ZNF587: variants seen among roughly 807,000 people sequenced by gnomAD.
The protein encoded by ZNF587 is zinc finger protein zfp6.
A neutral mutation model predicts 7.5 loss-of-function variants in ZNF587; 8 were observed. The ratio of observed to expected loss-of-function variants is 1.06; its 90% CI spans 0.62 to 1.92. ZNF587 has a LOEUF of 1.92. Among genes scored for constraint, ZNF587 ranks in the 40% most tolerant of loss-of-function variants. The pLI is 0.00. For missense variants in ZNF587, 468 were observed against 692.8 expected (o/e 0.68, Z 3.64); for synonymous variants, 145 against 237.8 (o/e 0.61, Z 3.59).
In ZNF587 at chr19:57,860,046, A is replaced by G. The variant is rs1329742149; in HGVS notation, c.1634A>G (p.Glu545Gly). The change falls in exon 3 of 3, where the codon GAA (glutamate) becomes GGA (glycine). Residue 545 changes from glutamate (E) to glycine (G), a missense_variant. Physicochemically the swap from Glu to Gly is moderately conservative, Grantham distance 98. Transcript: ENST00000339656. ...AAACACAGGAGAATTCACACTGGAGAAAGGCCTTATGAATGCACCAAATGT... is the reference window on the plus strand; with the variant it reads ...AAACACAGGAGAATTCACACTGGAGGAAGGCCTTATGAATGCACCAAATGT... ...LIKHRRIHTG[E>G]RPYECTKCGK... is the part of the protein sequence containing the mutation. The G allele has an allele frequency of 1.9e-6, 3 of 1,614,046 alleles. No individual in the cohort carries two copies. In the African/African-American group the frequency reaches 4.0e-5, roughly 22 times the overall value.
At chr19:57,852,729 T>C (rs1268932937) in intron 1 of ZNF587, among the ~76,000 whole-genome samples, 2 of 151,672 alleles carry the variant, frequency 1.3e-5, no homozygotes, top group South Asian at 2.1e-4. Context: ...GGTTTTACCA[T>C]GTTGGCCAGG....
chr19:57,858,541 T>C, intron 2 of ZNF587, 35 bp from the exon 3 acceptor site: 1 of 1,592,984 alleles, frequency 6.3e-7, no homozygotes, highest in Non-Finnish European at 8.6e-7. Flanking sequence ...CCGCCGGAGG[T>C]ACTTTGCACT....
chr19:57,850,246 C>T, intron 1 of ZNF587, 175 bp downstream of exon 1: 1 of 1,087,848 alleles, frequency 9.2e-7, no homozygotes, highest in East Asian at 2.6e-5. Context: ...TGCCAGCTGC[C>T]TAGACAGAGC....
At position 57,858,336 on chromosome 19, in the gene ZNF587, A is replaced by G. The variant is rs188391205; in HGVS notation, c.164-240A>G. On this transcript the variant is annotated intron_variant, in intron 2 of 2. Coordinates refer to ENST00000339656, the MANE Select transcript of ZNF587 (RefSeq NM_032828.4). ...GAGATGGGGTTTCACCATGTTGTTC[A>G]TGCTGGTCTTGAACTTCTGACCTCA... 4.5e-4 allele frequency: 295 copies of G among 660,876 alleles called. 3 individuals carry two copies. The African/African-American group carries it at 5.0e-3, about 11-fold the overall frequency. The allele number at this position is 660,876 out of a possible 1,614,324, so 40.9% of individuals were successfully genotyped here.
chr19:57,857,355 T>C (rs1052726545), intron 2 of ZNF587: 10 of 152,154 alleles, frequency 6.6e-5, no homozygotes, highest in Admixed American at 2.0e-4. Flanking sequence ...GAGTTTCACA[T>C]GTGTTAGTTC....
chr19:57,860,235 T>C lies in ZNF587; in HGVS notation c.*95T>C, dbSNP rs1178355123. ...AGAAAGGCCTTATGAGTGCTGTCAA[T>C]GTGGAAAACATCAGAATGTCTGCTG... is the stretch of plus-strand genomic sequence containing the variant. On this transcript the variant is annotated 3_prime_UTR_variant, in exon 3 of 3. Transcript: ENST00000339656. The C allele has an allele frequency of 2.5e-6, 4 of 1,601,010 alleles. No individual in the cohort carries two copies. Among genetic ancestry groups the C allele is most frequent in the South Asian group, 1.1e-5 (1 of 90,126 alleles).
In ZNF587 at chr19:57,860,245, A is replaced by C; in HGVS notation, c.*105A>C. 2 of 1,594,426 alleles carry C rather than the reference A, an allele frequency of 1.3e-6. No homozygotes were observed. Among genetic ancestry groups the C allele is most frequent in the Non-Finnish European group, 1.7e-6 (2 of 1,166,894 alleles). Reference sequence around the variant, plus strand: ...TATGAGTGCTGTCAATGTGGAAAACATCAGAATGTCTGCTGTCCTCGGTCT... The same window carrying C: ...TATGAGTGCTGTCAATGTGGAAAACCTCAGAATGTCTGCTGTCCTCGGTCT... On this transcript the variant is annotated 3_prime_UTR_variant, in exon 3 of 3. Transcript: ENST00000339656.
intron 1 of ZNF587, among the ~76,000 whole-genome samples, chr19:57,855,565 G>GT (rs750033909): frequency 0.031 from 4,189 of 137,262 alleles, 154 homozygotes; most frequent in African/African-American, 0.073. Flanking sequence ...GGCTTTTTTT[G>GT]TTTTTTTTTT....
Position 57,862,062 on chromosome 19 carries a change from C to G in ZNF587, c.*1922C>G, listed in dbSNP as rs1335329169. The G allele has an allele frequency of 6.6e-6, 1 of 152,164 alleles. No individual in the cohort carries two copies. The highest frequency in any genetic ancestry group is 1.5e-5 in the Non-Finnish European group (1 of 68,026). 9.4% of individuals were successfully genotyped at this position (152,164 alleles called of 1,614,324 possible). On this transcript the variant is annotated 3_prime_UTR_variant, in exon 3 of 3. Coordinates refer to ENST00000339656, the MANE Select transcript of ZNF587 (RefSeq NM_032828.4). ...GTGCTGGGATTACAGGTGTCAGCCA[C>G]TGTACCTGGCTGAATACTTGGTTTT...
intron 2 of ZNF587, chr19:57,857,177 C>G (rs1053225024): frequency 1.3e-5 from 2 of 151,914 alleles, no homozygotes; most frequent in African/African-American, 4.9e-5. Flanking sequence ...AATTCAGGCT[C>G]ATCACGATAG....
rs145911124 is a variant in ZNF587 at position 57,859,930 on chromosome 19, G to A, written c.1518G>A (p.Ala506=). ...GGAAATCATTTCTTTCCAGCTCTGC[G>A]CTTCATGTTCATAAAAGAGTTCATT... ...ECGKSFLSSS[A]LHVHKRVHSG... is the part of the protein sequence containing the mutation. The change falls in exon 3 of 3, where the codon GCG becomes GCA. Residue 506 remains alanine, a synonymous_variant. Coordinates refer to ENST00000339656, the MANE Select transcript of ZNF587 (RefSeq NM_032828.4). 1.4e-5 allele frequency: 23 copies of A among 1,613,592 alleles called. 1 individual carries two copies. The highest frequency in any genetic ancestry group is 5.0e-5 in the Admixed American group (3 of 59,952).
chr19:57,859,547 C>T lies in ZNF587; in HGVS notation c.1135C>T (p.Pro379Ser). The change falls in exon 3 of 3, where the codon CCT (proline) becomes TCT (serine). Residue 379 changes from proline (P) to serine (S), a missense_variant. Pro to Ser is a moderately conservative substitution (Grantham distance 74). Around this residue, in one of 5 missense-constraint regions of ZNF587, gnomAD observed 310 missense variants for 325.6 expected, o/e 0.95. Coordinates refer to ENST00000339656, the MANE Select transcript of ZNF587 (RefSeq NM_032828.4). ...TCAGCGTGTTCACACTGGAGAAAGG[C>T]CTTACAAGTGTGGAGAATGTGGGAA... ...NHQRVHTGER[P>S]YKCGECGKSF... 6.2e-7 allele frequency: 1 copy of T among 1,613,880 alleles called. No individual in the cohort carries two copies.
Position 57,864,594 on chromosome 19 carries a change from A to G in ZNF587, c.*4454A>G, listed in dbSNP as rs914419029. The G allele has an allele frequency of 6.6e-6, 1 of 152,168 alleles. No individual in the cohort carries two copies. Among genetic ancestry groups the G allele is most frequent in the South Asian group, 2.1e-4 (1 of 4,832 alleles). 9.4% of individuals were successfully genotyped at this position (152,168 alleles called of 1,614,324 possible). ...GTATTACAGCATGTTATATAAGCAC[A>G]TACAGGCACATACATGAAATAGTGA... On this transcript the variant is annotated 3_prime_UTR_variant, in exon 3 of 3. Transcript: ENST00000339656.
At chr19:57,850,837 G>C (rs749311743) in intron 1 of ZNF587, 3 of 335,306 alleles carry the variant, frequency 8.9e-6, no homozygotes, top group East Asian at 4.5e-5. Flanking sequence ...AGGAGAACTC[G>C]TGAGTCATTC....
Position 57,850,128 on chromosome 19 carries a change from C to T in ZNF587, c.33+57C>T. ...ACCCCATCGTCACCCAGGTCCTAAA[C>T]CAGCGAGGGAGCGGCTCCTGCTCGT... On this transcript the variant is annotated intron_variant, in intron 1 of 2. Transcript: ENST00000339656. 1.2e-5 allele frequency: 20 copies of T among 1,614,080 alleles called. No homozygotes were observed. The South Asian group carries it at 1.6e-4, about 13-fold the overall frequency.
chr19:57,861,435 CTCTGCCCACCTCAGCCTCCA>C lies in ZNF587; in HGVS notation c.*1296_*1315del, dbSNP rs1395536396. 6.6e-6 allele frequency: 1 copy of C among 152,116 alleles called. No homozygotes were observed. Among genetic ancestry groups the C allele is most frequent in the Non-Finnish European group, 1.5e-5 (1 of 68,062 alleles). The allele number at this position is 152,116 out of a possible 1,614,324, so 9.4% of individuals were successfully genotyped here. Reference sequence around the variant, plus strand: ...AACCTCTGCTTCCTGGGCTCAAGCACTCTGCCCACCTCAGCCTCCAGAGTAGCTGGAAATACAGGTATGCA... The same window carrying C: ...AACCTCTGCTTCCTGGGCTCAAGCACGAGTAGCTGGAAATACAGGTATGCA... On this transcript the variant is annotated 3_prime_UTR_variant, in exon 3 of 3. Transcript: ENST00000339656.
intron 1 of ZNF587, among the ~76,000 whole-genome samples, chr19:57,853,242 T>C (rs1324721312): frequency 6.6e-6 from 1 of 152,226 alleles, no homozygotes. Context: ...GCTGTAACCA[T>C]GCACACTGCT....
chr19:57,853,967 G>C (rs572501566), intron 1 of ZNF587: 5 of 152,230 alleles, frequency 3.3e-5, no homozygotes, highest in Non-Finnish European at 7.3e-5. Flanking sequence ...TGCTGACCAG[G>C]CTAGTCTTGA....
Position 57,861,139 on chromosome 19 carries a change from G to A in ZNF587, c.*999G>A, listed in dbSNP as rs10426822. ...TTCTCAGGTGTGACCTACTGTGCTTGGCCTAATGTACAACTTTTTAAGCAA... is the reference window on the plus strand; with the variant it reads ...TTCTCAGGTGTGACCTACTGTGCTTAGCCTAATGTACAACTTTTTAAGCAA... On this transcript the variant is annotated 3_prime_UTR_variant, in exon 3 of 3. Transcript: ENST00000339656. 0.047 allele frequency: 7,184 copies of A among 152,144 alleles called. 551 individuals carry two copies. The highest frequency in any genetic ancestry group is 0.16 in the African/African-American group (6,635 of 41,500). 9.4% of individuals were successfully genotyped at this position (152,144 alleles called of 1,614,324 possible). A position where few individuals can be genotyped will look rare whatever the true frequency, so the allele number is the denominator to read the frequency against.
Sources: gnomAD v4.1 joint callset for allele counts (sites outside exome capture counted in the v4.1 genomes callset) on GRCh38, gnomAD v4.1.1 for gene constraint, gnomAD v4.1.1 regional missense constraint, MANE v1.5 for transcripts, NCBI Gene and HGNC (gene_info 2026-07-23, HGNC 2026-07-21) for gene names.